LRRC37A2: variants seen among roughly 807,000 people sequenced by gnomAD.
LRRC37A2 encodes leucine-rich repeat-containing protein 37A2.
A neutral mutation model predicts 68.8 loss-of-function variants in LRRC37A2; 9 were observed. That is an observed-to-expected ratio of 0.13 (90% confidence interval 0.08 to 0.23). The LOEUF is 0.23. Ranked by LOEUF, LRRC37A2 falls within the 10% of genes least tolerant of loss-of-function variation. LRRC37A2 has a pLI of 1.00. For missense variants in LRRC37A2, 168 were observed against 950.4 expected (o/e 0.18, Z 10.82); for synonymous variants, 63 against 367.6 (o/e 0.17, Z 9.48).
the LRRC37A2 span, among the ~76,000 whole-genome samples, chr17:46,494,888 AC>A: frequency 6.6e-6 from 1 of 151,070 alleles, no homozygotes; most frequent in Non-Finnish European, 1.5e-5. Context: ...GACTCTAGTC[AC>A]CCTACTGTGC....
At chr17:47,018,589 C>T in the LRRC37A2 span, 57 of 1,520,228 alleles carry the variant, frequency 3.7e-5, no homozygotes, top group South Asian at 1.0e-4. Context: ...CCAGAGTCAT[C>T]GGAAGAAGCT....
At chr17:47,015,463 T>C in the LRRC37A2 span, among the ~76,000 whole-genome samples, 1 of 152,090 alleles carries the variant, frequency 6.6e-6, no homozygotes, top group Non-Finnish European at 1.5e-5. Flanking sequence ...CCGTGTACCC[T>C]AGGTATGGTG....
At chr17:46,773,597 G>T in the LRRC37A2 span, 12 of 1,467,498 alleles carry the variant, frequency 8.2e-6, no homozygotes, top group Non-Finnish European at 1.1e-5. Flanking sequence ...CCTGACTGGG[G>T]TGGAAGGGCA....
chr17:46,945,468 GA>G, the LRRC37A2 span, among the ~76,000 whole-genome samples: 2 of 152,190 alleles, frequency 1.3e-5, no homozygotes, highest in Non-Finnish European at 2.9e-5. Flanking sequence ...ACATGGCGTA[GA>G]ATCCTGACTT....
the LRRC37A2 span, chr17:46,973,089 T>C: frequency 4.1e-4 from 62 of 152,716 alleles, no homozygotes; most frequent in African/African-American, 1.5e-3. Flanking sequence ...GAAATCCCAC[T>C]GAAGTCCTTT....
At chr17:46,932,164 C>T in the LRRC37A2 span, 37 of 1,614,080 alleles carry the variant, frequency 2.3e-5, no homozygotes, top group South Asian at 8.8e-5. Flanking sequence ...GGAGAGACAG[C>T]GAGAAGAGCT....
intron 6 of LRRC37A2, among the ~76,000 whole-genome samples, chr17:46,537,081 T>A (rs1283020177): frequency 3.7e-3 from 3 of 814 alleles, no homozygotes; most frequent in African/African-American, 5.1e-3. Flanking sequence ...TGGTCAATTT[T>A]TTTTTTTTTT....
At chr17:46,927,135 G>A in the LRRC37A2 span, among the ~76,000 whole-genome samples, 1 of 152,002 alleles carries the variant, frequency 6.6e-6, no homozygotes, top group Non-Finnish European at 1.5e-5. Flanking sequence ...TTTCATTTGT[G>A]TTTTCCTAGT....
the LRRC37A2 span, among the ~76,000 whole-genome samples, chr17:46,595,519 C>T: frequency 1.6e-5 from 2 of 122,378 alleles, no homozygotes; most frequent in African/African-American, 4.4e-5. Flanking sequence ...GAGACGGAGT[C>T]TTGCTCCGTC....
the LRRC37A2 span, among the ~76,000 whole-genome samples, chr17:46,929,087 C>T: frequency 7.2e-5 from 11 of 152,312 alleles, no homozygotes; most frequent in South Asian, 1.5e-3. Context: ...ATATCTCCCT[C>T]GCCCTTTGAC....
the LRRC37A2 span, among the ~76,000 whole-genome samples, chr17:46,811,532 C>T: frequency 5.9e-5 from 9 of 152,172 alleles, no homozygotes; most frequent in Non-Finnish European, 1.3e-4. Flanking sequence ...AGCGCAGGAC[C>T]TTCTCTCCAG....
the LRRC37A2 span, among the ~76,000 whole-genome samples, chr17:46,804,353 C>G: frequency 6.6e-6 from 1 of 152,202 alleles, no homozygotes; most frequent in African/African-American, 2.4e-5. Context: ...TCCCAAAGTG[C>G]TGGGACTACA....
chr17:46,797,185 A>G, the LRRC37A2 span, among the ~76,000 whole-genome samples: 1 of 152,338 alleles, frequency 6.6e-6, no homozygotes, highest in African/African-American at 2.4e-5. Context: ...GCGATTCTTA[A>G]GTTTATTTGA....
chr17:46,467,851 A>G, the LRRC37A2 span, among the ~76,000 whole-genome samples: 4 of 102,910 alleles, frequency 3.9e-5, no homozygotes, highest in African/African-American at 1.5e-4. Flanking sequence ...GCCAGGGCTC[A>G]ACAGCGTCAG....
At chr17:46,793,272 T>TTAAA in the LRRC37A2 span, among the ~76,000 whole-genome samples, 1 of 41,950 alleles carries the variant, frequency 2.4e-5, no homozygotes, top group Non-Finnish European at 4.0e-5. Context: ...AGACCCTGTC[T>TTAAA]AAAAAAAAAA....
the LRRC37A2 span, among the ~76,000 whole-genome samples, chr17:46,501,445 G>A: frequency 2.0e-5 from 3 of 151,270 alleles, no homozygotes; most frequent in Admixed American, 2.0e-4. Context: ...AAAGTGCTGA[G>A]ACTACAGGTG....
chr17:46,828,671 G>T, the LRRC37A2 span, among the ~76,000 whole-genome samples: 1 of 152,056 alleles, frequency 6.6e-6, no homozygotes, highest in Non-Finnish European at 1.5e-5. Context: ...ATGTAGTTCT[G>T]CCCAGGTCGG....
At chr17:46,749,603 C>A in the LRRC37A2 span, among the ~76,000 whole-genome samples, 14 of 152,248 alleles carry the variant, frequency 9.2e-5, no homozygotes, top group African/African-American at 3.4e-4. Flanking sequence ...GTGGTTGGTA[C>A]CTTTTTTCAG....
At chr17:46,424,819 T>C in the LRRC37A2 span, among the ~76,000 whole-genome samples, 3 of 97,390 alleles carry the variant, frequency 3.1e-5, no homozygotes, top group African/African-American at 3.1e-5. Flanking sequence ...ATTTTTTGTT[T>C]ATAATAGAGC....
Sources: allele counts gnomAD v4.1 joint callset (sites outside exome capture counted in the v4.1 genomes callset), GRCh38; gene constraint gnomAD v4.1.1; transcripts MANE v1.5; gene names NCBI Gene and HGNC (gene_info 2026-07-23, HGNC 2026-07-21).